Variants in COPS5 observed in about 807,000 individuals in gnomAD.
COPS5 encodes COP9 signalosome subunit 5.
In COPS5, 8 loss-of-function variants were observed where a neutral mutation model predicts 44.4. That is an observed-to-expected ratio of 0.18 (90% confidence interval 0.11 to 0.32). The LOEUF (loss-of-function observed/expected upper bound fraction) is 0.32, where lower values mean the gene tolerates loss of function less well. Ranked by LOEUF, COPS5 falls within the 10% of genes least tolerant of loss-of-function variation. The pLI, the probability that COPS5 is intolerant of heterozygous loss-of-function variation, is 1.00. For synonymous variants in COPS5, 122 were observed against 142.8 expected (o/e 0.85, Z 1.04); for missense variants, 159 against 406.4 (o/e 0.39, Z 5.23).
At chr8:67,059,131 T>A (rs995591540) in intron 2 of COPS5, 80 bp downstream of exon 2, 1 of 863,578 alleles carries the variant, frequency 1.2e-6, no homozygotes, top group African/African-American at 1.7e-5. Flanking sequence ...GTAAAGGGGA[T>A]AATTTTAAGT....
chr8:67,056,935 G>T (rs1271275704), intron 4 of COPS5, among the ~76,000 whole-genome samples: 1 of 151,754 alleles, frequency 6.6e-6, no homozygotes, highest in East Asian at 1.9e-4. Context: ...GCGGCCTCCT[G>T]CCAGGGAAGG....
At chr8:67,059,058 A>C (rs1009333586) in intron 2 of COPS5, among the ~76,000 whole-genome samples, 153 bp downstream of exon 2, 3 of 152,038 alleles carry the variant, frequency 2.0e-5, no homozygotes, top group Admixed American at 1.3e-4. Flanking sequence ...TATAAGTCTT[A>C]TCAGGCTTTT....
chr8:67,045,304 A>T (rs1367689630), intron 7 of COPS5: 2 of 152,622 alleles, frequency 1.3e-5, no homozygotes, highest in East Asian at 1.9e-4. Flanking sequence ...ATACAAAAAA[A>T]TTAGTCAGGC....
chr8:67,053,860 G>T (rs1422969358), intron 5 of COPS5, among the ~76,000 whole-genome samples: 3 of 151,052 alleles, frequency 2.0e-5, no homozygotes, highest in Non-Finnish European at 4.4e-5. Context: ...CAAAAAATTA[G>T]TCGAGCATGA....
At chr8:67,050,767 G>GA (rs5892075) in intron 6 of COPS5, among the ~76,000 whole-genome samples, 29,604 of 133,622 alleles carry the variant, frequency 0.22, 3,455 homozygotes, top group East Asian at 0.39. Context: ...CTAAGAGAAA[G>GA]AAAAAAAAAA....
At chr8:67,056,464 G>A in intron 5 of COPS5, 55 bp downstream of exon 5, 1 of 616,818 alleles carries the variant, frequency 1.6e-6, no homozygotes, top group South Asian at 1.7e-5. Context: ...CAAAGTGCTG[G>A]GATTATAGGT....
chr8:67,061,609 G>T, intron 1 of COPS5: 1 of 520,806 alleles, frequency 1.9e-6, no homozygotes, highest in Non-Finnish European at 3.5e-6. Flanking sequence ...GTTCAGAAGT[G>T]ACAACTTAAA....
chr8:67,052,037 C>T (rs980283947), intron 5 of COPS5, among the ~76,000 whole-genome samples: 5 of 151,964 alleles, frequency 3.3e-5, no homozygotes, highest in Non-Finnish European at 5.9e-5. Flanking sequence ...TGGTCTAAAC[C>T]CACATCAAAA....
intron 6 of COPS5, among the ~76,000 whole-genome samples, chr8:67,049,751 A>C (rs761911198): frequency 1.3e-5 from 2 of 152,168 alleles, no homozygotes; most frequent in African/African-American, 2.4e-5. Context: ...AAAGAGCATA[A>C]GAAACTTCTA....
intron 5 of COPS5, among the ~76,000 whole-genome samples, chr8:67,051,681 T>C (rs1240221816): frequency 6.6e-6 from 1 of 152,196 alleles, no homozygotes; most frequent in Non-Finnish European, 1.5e-5. Flanking sequence ...ATAAGCTGCC[T>C]CTCTAGGGTC....
chr8:67,056,381 G>T, intron 5 of COPS5, 138 bp downstream of exon 5: 1 of 304,366 alleles, frequency 3.3e-6, no homozygotes, highest in Non-Finnish European at 6.4e-6. Context: ...TTTTTGTAGA[G>T]ATGGGGTCTC....
intron 5 of COPS5, among the ~76,000 whole-genome samples, chr8:67,056,085 A>G (rs1364651552): frequency 6.6e-6 from 1 of 152,156 alleles, no homozygotes; most frequent in Non-Finnish European, 1.5e-5. Flanking sequence ...ATGTAGGCCA[A>G]ATATCTTGTA....
chr8:67,051,127 G>T, intron 6 of COPS5, 103 bp downstream of exon 6: 1 of 792,834 alleles, frequency 1.3e-6, no homozygotes, highest in African/African-American at 1.7e-5. Context: ...TGGTGTCTTG[G>T]CCAAGTCAGG....
chr8:67,049,341 G>A (rs979604756), intron 6 of COPS5, among the ~76,000 whole-genome samples: 1 of 152,120 alleles, frequency 6.6e-6, no homozygotes, highest in Non-Finnish European at 1.5e-5. Context: ...GCTCACCCTT[G>A]TAGTCCCAGC....
At chr8:67,050,238 T>A (rs1195851157) in intron 6 of COPS5, among the ~76,000 whole-genome samples, 1 of 152,068 alleles carries the variant, frequency 6.6e-6, no homozygotes, top group African/African-American at 2.4e-5. Context: ...CCTGACCTCA[T>A]GATCCGCCCG....
intron 5 of COPS5, among the ~76,000 whole-genome samples, chr8:67,056,243 T>C (rs1370137822): frequency 6.6e-6 from 1 of 152,208 alleles, no homozygotes; most frequent in Non-Finnish European, 1.5e-5. Context: ...AAATGCATTT[T>C]GTCTATGCCT....
intron 6 of COPS5, among the ~76,000 whole-genome samples, chr8:67,046,439 G>A (rs1322384015): frequency 1.3e-5 from 2 of 152,034 alleles, no homozygotes; most frequent in African/African-American, 2.4e-5. Context: ...CCTAGTAAAG[G>A]CTTAGTAATA....
rs113490807 is a variant in COPS5, at chr8:67,059,075, G to A, written c.378+136C>T. 1.6e-3 allele frequency: 996 copies of A among 603,948 alleles called. 13 individuals carry two copies. Among genetic ancestry groups the A allele is most frequent in the African/African-American group, 0.016 (863 of 53,610 alleles). The allele number at this position is 603,948 out of a possible 1,614,324, so 37.4% of individuals were successfully genotyped here. A position where few individuals can be genotyped will look rare whatever the true frequency, so the allele number is the denominator to read the frequency against. On this transcript the variant is annotated intron_variant, in intron 2 of 7. Coordinates refer to ENST00000357849, the MANE Select transcript of COPS5 (RefSeq NM_006837.3). ...TAAGTCTTATCAGGCTTTTAATCTC[G>A]TACATTTTACATATAAATCATTAAA...
intron 6 of COPS5, among the ~76,000 whole-genome samples, chr8:67,049,072 T>A (rs1816736085): frequency 6.6e-6 from 1 of 152,216 alleles, no homozygotes; most frequent in Non-Finnish European, 1.5e-5. Context: ...AATTAAATAT[T>A]TCAGAACTTA....
Sources: gnomAD v4.1 joint callset for allele counts (sites outside exome capture counted in the v4.1 genomes callset) on GRCh38, gnomAD v4.1.1 for gene constraint, MANE v1.5 for transcripts, NCBI Gene and HGNC (gene_info 2026-07-23, HGNC 2026-07-21) for gene names.